The following ORC1 variants were observed in gnomAD, a reference collection of about 807,000 sequenced individuals.
The protein encoded by ORC1 is origin recognition complex, subunit 1 homolog.
A neutral mutation model predicts 98.9 loss-of-function variants in ORC1; 61 were observed. That is an observed-to-expected ratio of 0.62 (90% CI 0.50 to 0.76). The LOEUF (loss-of-function observed/expected upper bound fraction) is 0.76, where lower values mean the gene tolerates loss of function less well. ORC1 is among the 30% of genes least tolerant of loss of function. ORC1 has a pLI of 0.00. For synonymous variants in ORC1, 385 were observed against 406.9 expected (o/e 0.95, Z 0.65); for missense variants, 979 against 1,072.2 (o/e 0.91, Z 1.21).
chr1:52,383,794 CCT>C lies in ORC1; in HGVS notation c.1863+34_1863+35del, dbSNP rs1327581832. The C allele has an allele frequency of 1.9e-6, 3 of 1,546,570 alleles. No individual in the cohort carries two copies. The East Asian group carries it at 6.7e-5, about 35-fold the overall frequency. ...CCAGCACTTGCTCCTGAGGTACAGC[CCT>C]GTTTCTTCTCCTGTCCGCCCATGGG... On this transcript the variant is annotated intron_variant, in intron 12 of 16. Transcript: ENST00000371568.
chr1:52,392,137 CT>C (rs1458293327), intron 6 of ORC1, among the ~76,000 whole-genome samples: 295 of 144,216 alleles, frequency 2.0e-3, no homozygotes, highest in Admixed American at 4.5e-3. Context: ...GGGAACACTT[CT>C]TTTTTTTTTT....
chr1:52,393,489 A>C lies in ORC1; in HGVS notation c.1036T>G (p.Ser346Ala). The C allele has an allele frequency of 6.2e-7, 1 of 1,614,146 alleles. No homozygotes were observed. ...TTCAGAATCACGGATGGCACCACTG[A>C]AGATCTCTGTCCCCCACTGATAGGG... is the stretch of plus-strand genomic sequence containing the variant. Reference protein sequence around the residue: ...LTPISGGQRSSVVPSVILKPE... With the variant: ...LTPISGGQRSAVVPSVILKPE... Residue 346 changes from serine to alanine, a missense_variant, in exon 6 of 17, where the codon TCA becomes GCA. By Grantham distance (99) the Ser-to-Ala change is moderately conservative. Coordinates refer to ENST00000371568, the MANE Select transcript of ORC1 (RefSeq NM_004153.4).
In ORC1 at chr1:52,403,446, C is replaced by T. The variant is rs557421179; in HGVS notation, c.-6+800G>A. ...AACCTCCTAAAGTCCACATATTGCC[C>T]TCCATTAAAGTTAAAAACTGTTGCA... On this transcript the variant is annotated intron_variant, in intron 1 of 16. Transcript: ENST00000371568. Among the ~76,000 whole-genome samples, 6 of 152,290 alleles carry T rather than the reference C, an allele frequency of 3.9e-5. No homozygotes were observed. The South Asian group carries it at 1.2e-3, about 32-fold the overall frequency.
At chr1:52,408,834 C>T (rs151154002), upstream of ORC1, 8 of 1,029,194 alleles carry the variant, frequency 7.8e-6, no homozygotes, top group East Asian at 2.6e-5. Context: ...TTTCCCTTGT[C>T]CCTCATGGGA....
At chr1:52,380,771 T>C (rs1049408954) in intron 14 of ORC1, among the ~76,000 whole-genome samples, 21 of 151,300 alleles carry the variant, frequency 1.4e-4, no homozygotes, top group Non-Finnish European at 1.6e-4. Flanking sequence ...TCTAGATAGA[T>C]AGCATAATAG....
intron 5 of ORC1, among the ~76,000 whole-genome samples, chr1:52,395,021 C>T (rs562050940): frequency 3.2e-4 from 49 of 152,268 alleles, no homozygotes; most frequent in East Asian, 2.7e-3. Flanking sequence ...ATGTTTTATA[C>T]ATTTATATTC....
intron 6 of ORC1, among the ~76,000 whole-genome samples, chr1:52,391,055 A>C (rs1647203045): frequency 1.3e-5 from 2 of 152,064 alleles, no homozygotes; most frequent in African/African-American, 2.4e-5. Flanking sequence ...TCACGCCTGT[A>C]ATCCCAGTAC....
In ORC1 at chr1:52,385,922, C is replaced by A. The variant is rs150059660; in HGVS notation, c.1411G>T (p.Ala471Ser). 13 of 1,613,470 alleles carry A rather than the reference C, an allele frequency of 8.1e-6. No homozygotes were observed. The East Asian group carries it at 2.9e-4, about 36-fold the overall frequency. ...AGGCTTCGACTACGGATCTGAGGAG[C>A]GGCACAACGTGGCGTTCTAGGCTTG... ...SLKPRTPRCA[A>S]PQIRSRSLAA... Residue 471 changes from alanine (A) to serine (S), a missense_variant, in exon 9 of 17, where the codon GCT becomes TCT. Transcript: ENST00000371568.
rs117959642 is a variant in ORC1 at position 52,394,710 on chromosome 1, G to A, written c.722-907C>T. Among the ~76,000 whole-genome samples the A allele has an allele frequency of 4.1e-3, 631 of 152,156 alleles. 13 individuals carry two copies. The South Asian group carries it at 0.047, about 11-fold the overall frequency. ...GTTGCTCAGACTGGAGTGCAATAGC[G>A]TGATCTCAGCTCACTGCCACCTGTG... is the stretch of plus-strand genomic sequence containing the variant. On this transcript the variant is annotated intron_variant, in intron 5 of 16. Transcript: ENST00000371568.
rs778296863 is a variant in ORC1, at chr1:52,388,470, T to C, written c.1355A>G (p.His452Arg). Residue 452 changes from histidine (H) to arginine (R), a missense_variant, in exon 8 of 17, where the codon CAT becomes CGT. Transcript: ENST00000371568. ...NLRSSLKSSL[H>R]TLTKVPKKSL... is the part of the protein sequence containing the mutation. ...CTTCTTTGGCACCTTCGTGAGGGTA[T>C]GTAAGGATGACTTCAAGGAAGATCG... 1.2e-5 allele frequency: 20 copies of C among 1,613,988 alleles called. No homozygotes were observed. Among genetic ancestry groups the C allele is most frequent in the East Asian group, 1.1e-4 (5 of 44,896 alleles).
intron 13 of ORC1, among the ~76,000 whole-genome samples, chr1:52,382,354 G>C (rs1647082853): frequency 6.6e-6 from 1 of 152,142 alleles, no homozygotes; most frequent in African/African-American, 2.4e-5. Context: ...TTTGGAAGTA[G>C]ATAAAAGCTG....
intron 2 of ORC1, 101 bp downstream of exon 2, chr1:52,402,028 T>C: frequency 1.1e-6 from 1 of 876,494 alleles, no homozygotes; most frequent in Admixed American, 1.9e-5. Flanking sequence ...CTCCTGTTCA[T>C]TCATGGTCAA....
chr1:52,389,371 T>TCTG, intron 6 of ORC1, 50 bp from the exon 7 acceptor site: 2 of 1,318,084 alleles, frequency 1.5e-6, no homozygotes, highest in Non-Finnish European at 2.2e-6. Context: ...GATACCAGAG[T>TCTG]GTACAAAAGG....
chr1:52,383,584 G>T lies in ORC1; in HGVS notation c.1864-15C>A. ...AGAAGGTCGAGCTGCCAGGGCAAAG[G>T]AGAGAGGTGCAGAGTCAATCACAGA... On this transcript the variant is annotated splice_polypyrimidine_tract_variant and intron_variant, in intron 12 of 16. Transcript: ENST00000371568. 1.2e-6 allele frequency: 2 copies of T among 1,614,008 alleles called. No homozygotes were observed. The highest frequency in any genetic ancestry group is 1.7e-6 in the Non-Finnish European group (2 of 1,179,984).
rs1217864088 is a variant in ORC1, at chr1:52,388,676, AAGTC to A, written c.1188-43_1188-40del. The A allele has an allele frequency of 6.5e-6, 10 of 1,538,324 alleles. No homozygotes were observed. The Admixed American group carries it at 1.7e-4, about 26-fold the overall frequency. Reference sequence around the variant, plus strand: ...ACATATTTTTTGATACTCAGTGTTCAAGTCTAAATAAGAAGAACTCTATAACATT... The same window carrying A: ...ACATATTTTTTGATACTCAGTGTTCATAAATAAGAAGAACTCTATAACATT... On this transcript the variant is annotated intron_variant, in intron 7 of 16. Coordinates refer to ENST00000371568, the MANE Select transcript of ORC1 (RefSeq NM_004153.4).
chr1:52,384,594 T>C lies in ORC1; in HGVS notation c.1711A>G (p.Met571Val). 2 of 1,614,194 alleles carry C rather than the reference T, an allele frequency of 1.2e-6. No individual in the cohort carries two copies. Among genetic ancestry groups the C allele is most frequent in the South Asian group, 1.1e-5 (1 of 91,088 alleles). ...PPFQYIEVNGMKLTEPHQVYV... is the reference protein window; with the variant it reads ...PPFQYIEVNGVKLTEPHQVYV... ...ACTTGGTGGGGCTCCGTCAGCTTCATGCCATTGACCTCAATGTATTGAAAG... is the reference window on the plus strand; with the variant it reads ...ACTTGGTGGGGCTCCGTCAGCTTCACGCCATTGACCTCAATGTATTGAAAG... The change falls in exon 11 of 17, where the codon ATG becomes GTG. Residue 571 changes from methionine to valine, a missense_variant. Physicochemically the swap from Met to Val is conservative, Grantham distance 21. Coordinates refer to ENST00000371568, the MANE Select transcript of ORC1 (RefSeq NM_004153.4).
Position 52,393,742 on chromosome 1 carries a change from T to A in ORC1, c.783A>T (p.Arg261Ser). ...CCGAGAAGGCCACTTTCCGTTTTAT[T>A]CTTCCTGGAGAATCCAAGGAGGCAC... The part of the protein sequence containing the change: ...TSCASLDSPG[R>S]IKRKVAFSEI... The change falls in exon 6 of 17, where the codon AGA becomes AGT. Residue 261 changes from arginine to serine, a missense_variant. Coordinates refer to ENST00000371568, the MANE Select transcript of ORC1 (RefSeq NM_004153.4). 1 of 1,614,040 alleles carries A rather than the reference T, an allele frequency of 6.2e-7. No homozygotes were observed. The highest frequency in any genetic ancestry group is 1.1e-5 in the South Asian group (1 of 91,056).
intron 2 of ORC1, among the ~76,000 whole-genome samples, chr1:52,401,897 T>A (rs907157700): frequency 6.6e-6 from 1 of 152,222 alleles, no homozygotes; most frequent in African/African-American, 2.4e-5. Flanking sequence ...TAAATAGACA[T>A]GACATTATCC....
At position 52,387,498 on chromosome 1, in the gene ORC1, C is replaced by T. The variant is rs185616631; in HGVS notation, c.1383+944G>A. ...CTTGAGATAGAGTCTCACTCTGTCG[C>T]CCAGGCTAGAGTGCTATGGTGCGAT... On this transcript the variant is annotated intron_variant, in intron 8 of 16. Coordinates refer to ENST00000371568, the MANE Select transcript of ORC1 (RefSeq NM_004153.4). Among the ~76,000 whole-genome samples, 100 of 152,286 alleles carry T rather than the reference C, an allele frequency of 6.6e-4. 2 individuals carry two copies. In the Middle Eastern group the frequency reaches 0.017, roughly 26 times the overall value.
Sources: allele counts gnomAD v4.1 joint callset (sites outside exome capture counted in the v4.1 genomes callset), GRCh38; gene constraint gnomAD v4.1.1; transcripts MANE v1.5; gene names NCBI Gene and HGNC (gene_info 2026-07-23, HGNC 2026-07-21).